The following CDHR3 variants were observed in gnomAD, a reference collection of about 807,000 sequenced individuals.
CDHR3 encodes cadherin-related family member 3.
CDHR3 carries 79 observed loss-of-function variants against 86.6 expected under a neutral mutation model. The observed-to-expected ratio is 0.91, with a 90% confidence interval of 0.76 to 1.10. The LOEUF is 1.10. Ranked by LOEUF, CDHR3 falls within the 50% of genes least tolerant of loss-of-function variation. The pLI is 0.00. For synonymous variants in CDHR3, 421 were observed against 402.4 expected (o/e 1.05, Z -0.55); for missense variants, 1,081 against 1,077.6 (o/e 1.00, Z -0.04).
In CDHR3 at chr7:106,001,469, C is replaced by G. The variant is rs768844354; in HGVS notation, c.721C>G (p.Arg241Gly). 6.2e-7 allele frequency: 1 copy of G among 1,613,676 alleles called. No homozygotes were observed. The highest frequency in any genetic ancestry group is 1.3e-5 in the African/African-American group (1 of 74,922). ...GCTGTATCTCTGTTCCAGCCCGACA[C>G]GAGTGTACACAGTCCTGGAGGAACT... ...DEVPRFTSPT[R>G]VYTVLEELSP... is the part of the protein sequence containing the mutation. Residue 241 changes from arginine (R) to glycine (G), a missense_variant, in exon 7 of 19, where the codon CGA (arginine) becomes GGA (glycine). Coordinates refer to ENST00000317716, the MANE Select transcript of CDHR3 (RefSeq NM_152750.5).
rs1324940243 is a variant in CDHR3, at chr7:106,034,177, G to T, written c.*1480G>T. 6.6e-6 allele frequency among the ~76,000 whole-genome samples: 1 copy of T among 152,200 alleles called. No individual in the cohort carries two copies. The highest frequency in any genetic ancestry group is 2.4e-5 in the African/African-American group (1 of 41,442). ...ACTTCCACCTGTAGGCATGAGCAATGAACTGGGAATAAATGGTATTATGAT... is the reference window on the plus strand; with the variant it reads ...ACTTCCACCTGTAGGCATGAGCAATTAACTGGGAATAAATGGTATTATGAT... On this transcript the variant is annotated 3_prime_UTR_variant, in exon 19 of 19. Coordinates refer to ENST00000317716, the MANE Select transcript of CDHR3 (RefSeq NM_152750.5).
rs915255526 is a variant in CDHR3, at chr7:106,033,365, C to A, written c.*668C>A. ...TTCTCTTCATGGTTATGTCTGGTTT[C>A]ATTCTATGATTATATCACAATTTAT... On this transcript the variant is annotated 3_prime_UTR_variant, in exon 19 of 19. Transcript: ENST00000317716. 1 of 152,184 alleles carries A rather than the reference C, an allele frequency of 6.6e-6. No homozygotes were observed. The highest frequency in any genetic ancestry group is 2.4e-5 in the African/African-American group (1 of 41,442). The allele number at this position is 152,184 out of a possible 1,614,324, so 9.4% of individuals were successfully genotyped here.
rs757338721 is a variant in CDHR3 at position 106,034,680 on chromosome 7, C to T, written c.*1983C>T. The stretch of plus-strand genomic sequence containing the variant: ...TAAGGCATTGCAAATCTGTGGGGCC[C>T]GGAGTCAAATGCTTTCCTTGGAAGC... On this transcript the variant is annotated 3_prime_UTR_variant, in exon 19 of 19. Coordinates refer to ENST00000317716, the MANE Select transcript of CDHR3 (RefSeq NM_152750.5). Among the ~76,000 whole-genome samples, 68 of 152,264 alleles carry T rather than the reference C, an allele frequency of 4.5e-4. 1 individual carries two copies. The highest frequency in any genetic ancestry group is 6.2e-4 in the South Asian group (3 of 4,822).
intron 2 of CDHR3, among the ~76,000 whole-genome samples, chr7:105,980,623 A>ATTTTTTTTTTTTTTT (rs55880404): frequency 7.4e-5 from 8 of 108,152 alleles, no homozygotes; most frequent in East Asian, 2.7e-4. Context: ...TTTTTTTTTA[A>ATTTTTTTTTTTTTTT]TTTTTTTTTT....
At chr7:105,985,254 C>T (rs966989093) in intron 4 of CDHR3, among the ~76,000 whole-genome samples, 1 of 152,120 alleles carries the variant, frequency 6.6e-6, no homozygotes, top group East Asian at 1.9e-4. Flanking sequence ...CTTAGTTGTT[C>T]CCTGGGAGTG....
Position 106,020,035 on chromosome 7 carries a change from ATG to A in CDHR3, c.1654-325_1654-324del, listed in dbSNP as rs199921513. ...CAGGTGAGCCTATGTGTCCAGGTGC[ATG>A]TGTGTGTGTGTGGGGGGGGGGCAAG... On this transcript the variant is annotated intron_variant, in intron 12 of 18. Transcript: ENST00000317716. Among the ~76,000 whole-genome samples, 451 of 146,134 alleles carry A rather than the reference ATG, an allele frequency of 3.1e-3. 2 individuals are homozygous for A. Among genetic ancestry groups the A allele is most frequent in the African/African-American group, 9.1e-3 (357 of 39,376 alleles).
At chr7:105,977,657 C>G (rs890543730) in intron 2 of CDHR3, among the ~76,000 whole-genome samples, 2 of 152,206 alleles carry the variant, frequency 1.3e-5, no homozygotes, top group South Asian at 4.1e-4. Flanking sequence ...ACTCTCCAAC[C>G]GAAATTGCTC....
chr7:106,029,916 A>G (rs1185589796), intron 17 of CDHR3, among the ~76,000 whole-genome samples: 1 of 152,232 alleles, frequency 6.6e-6, no homozygotes, highest in African/African-American at 2.4e-5. Flanking sequence ...AAATTAGTCT[A>G]TTAAATAAAT....
intron 2 of CDHR3, 135 bp downstream of exon 2, chr7:105,975,181 G>A (rs6943409): frequency 3.9e-6 from 3 of 774,628 alleles, no homozygotes; most frequent in Non-Finnish European, 4.4e-6. Flanking sequence ...CAGGAGTCCT[G>A]TCTGAGGCAT....
rs1838174777 is a variant in CDHR3 at position 106,030,537 on chromosome 7, A to G, written c.2305-255A>G. On this transcript the variant is annotated intron_variant, in intron 17 of 18. Coordinates refer to ENST00000317716, the MANE Select transcript of CDHR3 (RefSeq NM_152750.5). The surrounding 1 kb of genome is among the most constrained non-coding windows in gnomAD (Gnocchi z 4.8). Reference sequence around the variant, plus strand: ...CCCTCTACCCCTACCTGTGCCCCATAACACCCTATATCTCCCCATCATAGC... The same window carrying G: ...CCCTCTACCCCTACCTGTGCCCCATGACACCCTATATCTCCCCATCATAGC... 1.3e-5 allele frequency among the ~76,000 whole-genome samples: 2 copies of G among 152,180 alleles called. No individual in the cohort carries two copies. Among genetic ancestry groups the G allele is most frequent in the Admixed American group, 1.3e-4 (2 of 15,284 alleles).
chr7:106,004,759 T>C (rs1239963762), intron 8 of CDHR3, 72 bp downstream of exon 8: 2 of 1,410,732 alleles, frequency 1.4e-6, no homozygotes, highest in Non-Finnish European at 2.0e-6. Context: ...GCTTCTCTGG[T>C]ATATTCTCAG....
Position 105,974,954 on chromosome 7 carries a change from T to C in CDHR3, c.157T>C (p.Ser53Pro), listed in dbSNP as rs1181949109. Residue 53 changes from serine (S) to proline (P), a missense_variant, in exon 2 of 19, where the codon TCA (serine) becomes CCA (proline). Transcript: ENST00000317716. Reference sequence around the variant, plus strand: ...TTCTGTGAAGTTATCAGCATCATTGTCACCTGTGATCCCAGGATTTCCCCA... The same window carrying C: ...TTCTGTGAAGTTATCAGCATCATTGCCACCTGTGATCCCAGGATTTCCCCA... Reference protein sequence around the residue: ...KFSVKLSASLSPVIPGFPQIV... With the variant: ...KFSVKLSASLPPVIPGFPQIV... The C allele has an allele frequency of 1.9e-6, 3 of 1,613,608 alleles. No individual in the cohort carries two copies. The African/African-American group carries it at 4.0e-5, about 22-fold the overall frequency.
chr7:106,009,693 C>T (rs1419049510), intron 8 of CDHR3, among the ~76,000 whole-genome samples: 2 of 152,166 alleles, frequency 1.3e-5, no homozygotes, highest in Non-Finnish European at 2.9e-5. Flanking sequence ...TGCAGGCTCC[C>T]AGCCTTTCGT....
chr7:106,016,297 C>T (rs1291108886), intron 11 of CDHR3, among the ~76,000 whole-genome samples: 2 of 152,182 alleles, frequency 1.3e-5, no homozygotes, highest in South Asian at 2.1e-4. Flanking sequence ...TGCCTGATTC[C>T]GCTAATCCTC....
chr7:105,975,734 A>G (rs1828702633), intron 2 of CDHR3, among the ~76,000 whole-genome samples: 1 of 152,004 alleles, frequency 6.6e-6, no homozygotes, highest in South Asian at 2.1e-4. Context: ...TTAGGGTCCC[A>G]TGTCTGGATC....
chr7:106,028,864 G>C (rs1057238889), intron 17 of CDHR3, among the ~76,000 whole-genome samples: 1 of 152,200 alleles, frequency 6.6e-6, no homozygotes, highest in East Asian at 1.9e-4. Flanking sequence ...TGAGTTGAGG[G>C]AGTGAAGCTT....
At chr7:105,966,506 C>T (rs1826953539) in intron 1 of CDHR3, among the ~76,000 whole-genome samples, 1 of 152,198 alleles carries the variant, frequency 6.6e-6, no homozygotes, top group African/African-American at 2.4e-5. Flanking sequence ...TTCTTATTCT[C>T]CTTGGTAATT....
At chr7:105,986,442 G>T in intron 4 of CDHR3, among the ~76,000 whole-genome samples, 1 of 152,294 alleles carries the variant, frequency 6.6e-6, no homozygotes, top group African/African-American at 2.4e-5. Context: ...AGGGGAGAAG[G>T]AACAGCTTTT....
In CDHR3 at chr7:105,989,033, C is replaced by T. The variant is rs185190726; in HGVS notation, c.513+4744C>T. ...GTGAGGGTAGTGGCTACTGCATTGG[C>T]CAGGCACAGGCTTAGATCTAGCATT... On this transcript the variant is annotated intron_variant, in intron 4 of 18. Transcript: ENST00000317716. Among the ~76,000 whole-genome samples, 1,010 of 152,284 alleles carry T rather than the reference C, an allele frequency of 6.6e-3. 5 individuals are homozygous for T. The highest frequency in any genetic ancestry group is 9.2e-3 in the Non-Finnish European group (624 of 68,032).
Sources: gnomAD v4.1 joint callset for allele counts (sites outside exome capture counted in the v4.1 genomes callset) on GRCh38, gnomAD v4.1.1 for gene constraint, Gnocchi (gnomAD v3.1) non-coding constraint, MANE v1.5 for transcripts, NCBI Gene and HGNC (gene_info 2026-07-23, HGNC 2026-07-21) for gene names.